Variants in CDK14 observed in about 807,000 individuals in gnomAD.
CDK14 encodes the protein cyclin-dependent kinase 14.
CDK14 carries 34 observed loss-of-function variants against 60.7 expected under a neutral mutation model. That is an observed-to-expected ratio of 0.56 (90% confidence interval 0.43 to 0.75). The LOEUF (loss-of-function observed/expected upper bound fraction) is 0.75, where lower values mean the gene tolerates loss of function less well. Among genes scored for constraint, CDK14 ranks in the 30% least tolerant of loss-of-function variants. CDK14 has a pLI of 0.00. For missense variants in CDK14, 482 were observed against 564.1 expected, an observed-to-expected ratio of 0.85 and a Z score of 1.47; for synonymous variants, 197 against 203.7, an observed-to-expected ratio of 0.97 and a Z score of 0.28.
At chr7:90,711,890 T>TG (rs1321068020) in intron 2 of CDK14, among the ~76,000 whole-genome samples, 1 of 151,378 alleles carries the variant, frequency 6.6e-6, no homozygotes, top group Non-Finnish European at 1.5e-5. Context: ...CTATGTTTTT[T>TG]TTTTTTTTTT....
chr7:90,662,311 A>G (rs549719295), intron 2 of CDK14, among the ~76,000 whole-genome samples: 2 of 152,338 alleles, frequency 1.3e-5, no homozygotes, highest in South Asian at 4.1e-4. Flanking sequence ...CCCATGGGTG[A>G]TAAGAAGTGA....
chr7:90,937,848 C>A (rs1162876389), intron 8 of CDK14, among the ~76,000 whole-genome samples: 3 of 152,070 alleles, frequency 2.0e-5, no homozygotes, highest in African/African-American at 7.2e-5. Flanking sequence ...GGTAATAAAG[C>A]ATTTGGTTCA....
intron 14 of CDK14, among the ~76,000 whole-genome samples, chr7:91,125,603 C>T (rs976694606): frequency 8.6e-5 from 13 of 151,846 alleles, no homozygotes; most frequent in African/African-American, 3.1e-4. Context: ...TTCAGCAGTC[C>T]TTGAGTTGTG....
intron 6 of CDK14, among the ~76,000 whole-genome samples, chr7:90,884,356 A>C (rs1026756157): frequency 9.9e-5 from 15 of 152,158 alleles, no homozygotes; most frequent in African/African-American, 3.4e-4. Flanking sequence ...AGAATAAAAT[A>C]CCTAGGAATA....
At chr7:90,749,674 A>AGCACTT (rs1803740590) in intron 4 of CDK14, among the ~76,000 whole-genome samples, 1 of 152,186 alleles carries the variant, frequency 6.6e-6, no homozygotes, top group Admixed American at 6.5e-5. Flanking sequence ...AGGGATCTGG[A>AGCACTT]GCACTTACAC....
chr7:91,091,338 CAT>C (rs1383622000), intron 12 of CDK14, among the ~76,000 whole-genome samples: 5 of 140,462 alleles, frequency 3.6e-5, no homozygotes, highest in Admixed American at 7.2e-5. Context: ...TATGTGTATA[CAT>C]ATATGTGTAT....
At chr7:90,857,771 A>G (rs1584052286) in intron 5 of CDK14, among the ~76,000 whole-genome samples, 1 of 152,198 alleles carries the variant, frequency 6.6e-6, no homozygotes, top group African/African-American at 2.4e-5. Context: ...CTTGGCAGCT[A>G]GGAGACTCCC....
intron 11 of CDK14, among the ~76,000 whole-genome samples, chr7:91,056,052 C>G (rs1289892722): frequency 1.3e-5 from 2 of 152,136 alleles, no homozygotes; most frequent in Non-Finnish European, 2.9e-5. Flanking sequence ...TTTTAGGTCC[C>G]TTTCCAAAAA....
At chr7:90,975,412 T>A (rs1335081460) in intron 9 of CDK14, among the ~76,000 whole-genome samples, 5 of 151,912 alleles carry the variant, frequency 3.3e-5, no homozygotes, top group Non-Finnish European at 7.4e-5. Context: ...ATACATATAA[T>A]GTATAGTGAT....
chr7:90,814,313 C>T (rs1584001352), intron 5 of CDK14, among the ~76,000 whole-genome samples: 2 of 152,072 alleles, frequency 1.3e-5, no homozygotes, highest in Admixed American at 6.6e-5. Context: ...TTTCAGGGGT[C>T]TCTTGTTGAT....
intron 10 of CDK14, among the ~76,000 whole-genome samples, chr7:91,029,423 C>T (rs996113034): frequency 6.6e-6 from 1 of 151,462 alleles, no homozygotes; most frequent in Admixed American, 6.6e-5. Context: ...TGGTCATTTT[C>T]ACAATATTGA....
At chr7:91,107,683 G>A (rs1799346382) in intron 12 of CDK14, 1 of 152,194 alleles carries the variant, frequency 6.6e-6, no homozygotes, top group South Asian at 2.1e-4. Context: ...TAAGACAAAA[G>A]TGAAATGGAA....
At chr7:90,777,624 A>G (rs1009764241) in intron 4 of CDK14, among the ~76,000 whole-genome samples, 1 of 152,162 alleles carries the variant, frequency 6.6e-6, no homozygotes, top group Non-Finnish European at 1.5e-5. Context: ...GAGGACCTGT[A>G]CCTTGTCATC....
At chr7:90,811,626 TTAAAC>T (rs537141212) in intron 5 of CDK14, among the ~76,000 whole-genome samples, 3,109 of 151,658 alleles carry the variant, frequency 0.021, 86 homozygotes, top group African/African-American at 0.069. Flanking sequence ...TGGGATCTAA[TTAAAC>T]TAAAGAGCTT....
chr7:90,634,264 T>G (rs1350121981), intron 2 of CDK14, among the ~76,000 whole-genome samples: 1 of 149,960 alleles, frequency 6.7e-6, no homozygotes, highest in East Asian at 2.0e-4. Flanking sequence ...TAGGTATATC[T>G]CCTAATGCTG....
chr7:91,107,204 T>C (rs1278986453), intron 12 of CDK14, among the ~76,000 whole-genome samples: 3 of 152,348 alleles, frequency 2.0e-5, no homozygotes, highest in African/African-American at 7.2e-5. Context: ...TGTGGTACAT[T>C]GAAGTAGACT....
intron 4 of CDK14, among the ~76,000 whole-genome samples, chr7:90,769,579 G>C (rs1375383809): frequency 6.6e-6 from 1 of 150,910 alleles, no homozygotes; most frequent in East Asian, 2.0e-4. Flanking sequence ...CGATTCTCCT[G>C]CCTCAGCCTC....
Position 90,596,664 on chromosome 7 carries a change from A to G in CDK14, c.37A>G (p.Ile13Val), listed in dbSNP as rs1304354462. 1 of 1,612,132 alleles carries G rather than the reference A, an allele frequency of 6.2e-7. No homozygotes were observed. Among genetic ancestry groups the G allele is most frequent in the East Asian group, 2.2e-5 (1 of 44,808 alleles). Residue 13 changes from isoleucine (I) to valine (V), a missense_variant, in exon 1 of 15, where the codon ATC becomes GTC. Ile to Val is a conservative substitution (Grantham distance 29, BLOSUM62 3). Coordinates refer to ENST00000380050, the MANE Select transcript of CDK14 (RefSeq NM_001287135.2). ...CATTGAGCCGCAGCCGGCCGAGAAG[A>G]TCGGCAAGATGAAGAAGTTGCGGAG... ...DLIEPQPAEK[I>V]GKMKKLRRTL...
chr7:90,874,499 C>T, intron 6 of CDK14, among the ~76,000 whole-genome samples: 1 of 107,998 alleles, frequency 9.3e-6, no homozygotes, highest in South Asian at 3.6e-4. Context: ...CATGTCCTTT[C>T]ATCCTTTTTT....
Sources: allele counts gnomAD v4.1 joint callset (sites outside exome capture counted in the v4.1 genomes callset), GRCh38; gene constraint gnomAD v4.1.1; transcripts MANE v1.5; gene names NCBI Gene and HGNC (gene_info 2026-07-23, HGNC 2026-07-21).